Variants in ALDH1L1 observed in about 807,000 individuals in gnomAD.
ALDH1L1 encodes the protein aldehyde dehydrogenase 1 family member L1.
A neutral mutation model predicts 101.1 loss-of-function variants in ALDH1L1; 68 were observed. The ratio of observed to expected loss-of-function variants is 0.67; its 90% CI spans 0.55 to 0.82. The LOEUF is 0.82. ALDH1L1 is among the 40% of genes least tolerant of loss of function. The probability of loss-of-function intolerance (pLI) is 0.00; values close to 1 mark genes in which losing one functional copy is unlikely to be tolerated. For missense variants in ALDH1L1, 1,087 were observed against 1,172.7 expected (o/e 0.93, Z 1.07); for synonymous variants, 486 against 470.8 (o/e 1.03, Z -0.42).
intron 14 of ALDH1L1, among the ~76,000 whole-genome samples, chr3:126,127,325 A>G (rs6438976): frequency 0.65 from 99,266 of 151,964 alleles, 32,647 homozygotes; most frequent in African/African-American, 0.71. Flanking sequence ...TGCTGCCTCT[A>G]ATTCCTAGTG....
At chr3:126,165,697 T>C (rs1316008649) in intron 1 of ALDH1L1, among the ~76,000 whole-genome samples, 1 of 152,332 alleles carries the variant, frequency 6.6e-6, no homozygotes, top group East Asian at 1.9e-4. Flanking sequence ...TTAGATTTTC[T>C]CATTTGTGTG....
At chr3:126,117,460 G>A (rs1357032384) in intron 17 of ALDH1L1, among the ~76,000 whole-genome samples, 1 of 151,914 alleles carries the variant, frequency 6.6e-6, no homozygotes, top group Non-Finnish European at 1.5e-5. Flanking sequence ...TTTGAGACCA[G>A]TCTGGGCAAC....
intron 17 of ALDH1L1, 115 bp from the exon 18 acceptor site, chr3:126,114,771 G>T: frequency 1.0e-6 from 1 of 981,640 alleles, no homozygotes; most frequent in Non-Finnish European, 1.6e-6. Flanking sequence ...CAAGAAGCAA[G>T]ACCCGGCCAG....
intron 22 of ALDH1L1, chr3:126,105,297 T>G (rs1022804645): frequency 6.6e-6 from 2 of 302,190 alleles, no homozygotes; most frequent in Admixed American, 4.2e-5. Context: ...TCCTCCCTCC[T>G]GCTCCCCCTT....
At chr3:126,176,040 T>C (rs79742548) in intron 1 of ALDH1L1, among the ~76,000 whole-genome samples, 4,398 of 152,282 alleles carry the variant, frequency 0.029, 199 homozygotes, top group African/African-American at 0.098. Context: ...TACTTTCTTA[T>C]ATACTAGCAA....
rs75629481 is a variant in ALDH1L1 at position 126,157,505 on chromosome 3, G to T, written c.366C>A (p.Thr122=). 8.0e-5 allele frequency: 129 copies of T among 1,613,470 alleles called. No homozygotes were observed. In the African/African-American group the frequency reaches 1.5e-3, roughly 19 times the overall value. Residue 122 remains threonine, a synonymous_variant, in exon 4 of 23, where the codon ACC becomes ACA. Transcript: ENST00000393434. The stretch of plus-strand genomic sequence containing the variant: ...CCCCTTTCTTATCTCCGTGAATGAG[G>T]GTCCTAGGAAGCAGAAGAGTGAAAC... ...RHRGASAINW[T]LIHGDKKGGF... is the part of the protein sequence containing the mutation.
Position 126,135,597 on chromosome 3 carries a change from A to T in ALDH1L1, c.1410T>A (p.Asp470Glu). The T allele has an allele frequency of 1.9e-6, 3 of 1,598,832 alleles. No homozygotes were observed. Among genetic ancestry groups the T allele is most frequent in the Non-Finnish European group, 2.6e-6 (3 of 1,172,970 alleles). ...DVDKAVAAAKDAFENGRWGKI... is the reference protein window; with the variant it reads ...DVDKAVAAAKEAFENGRWGKI... ...TCCCCCACCGTCCATTCTCAAAGGC[A>T]TCCTTGGCTGCGGCCACTGCCTTGT... is the stretch of plus-strand genomic sequence containing the variant. The change falls in exon 12 of 23, where the codon GAT (aspartate) becomes GAA (glutamate). Residue 470 changes from aspartate (D) to glutamate (E), a missense_variant. Transcript: ENST00000393434.
rs547705910 is a variant in ALDH1L1 at position 126,161,146 on chromosome 3, G to A, written c.-23-144C>T. 37 of 877,884 alleles carry A rather than the reference G, an allele frequency of 4.2e-5. No homozygotes were observed. The African/African-American group carries it at 5.8e-4, about 14-fold the overall frequency. The allele number at this position is 877,884 out of a possible 1,614,324, so 54.4% of individuals were successfully genotyped here. A position where few individuals can be genotyped will look rare whatever the true frequency, so the allele number is the denominator to read the frequency against. ...CTCTGTGGGTGGCAGGCCACTGAGGGGAGACTGCCACTGTAAGAGAGACCA... is the reference window on the plus strand; with the variant it reads ...CTCTGTGGGTGGCAGGCCACTGAGGAGAGACTGCCACTGTAAGAGAGACCA... On this transcript the variant is annotated intron_variant, in intron 1 of 22. Coordinates refer to ENST00000393434, the MANE Select transcript of ALDH1L1 (RefSeq NM_012190.4).
intron 1 of ALDH1L1, among the ~76,000 whole-genome samples, chr3:126,173,291 A>C (rs1305520931): frequency 6.6e-6 from 1 of 152,208 alleles, no homozygotes; most frequent in Non-Finnish European, 1.5e-5. Flanking sequence ...GAATGATAGC[A>C]GTAATAATAA....
intron 1 of ALDH1L1, among the ~76,000 whole-genome samples, chr3:126,173,039 A>C (rs1415244780): frequency 1.3e-5 from 2 of 152,228 alleles, no homozygotes; most frequent in Non-Finnish European, 2.9e-5. Context: ...TGGAGGAGAA[A>C]GACTTCTCAA....
chr3:126,160,445 G>C (rs868537543), intron 2 of ALDH1L1: 2 of 175,060 alleles, frequency 1.1e-5, no homozygotes, highest in Non-Finnish European at 2.4e-5. Flanking sequence ...TGGGTAAGTA[G>C]AGCACTATGT....
chr3:126,114,186 A>C (rs1379377095), intron 18 of ALDH1L1, among the ~76,000 whole-genome samples: 1 of 152,236 alleles, frequency 6.6e-6, no homozygotes, highest in Non-Finnish European at 1.5e-5. Flanking sequence ...TACCATAGTG[A>C]AGCAGATCAA....
chr3:126,172,762 C>G (rs560805824), intron 1 of ALDH1L1, among the ~76,000 whole-genome samples: 1 of 151,696 alleles, frequency 6.6e-6, no homozygotes, highest in South Asian at 2.1e-4. Flanking sequence ...GATCACCCCC[C>G]ACCCCCCAAA....
At chr3:126,115,736 G>A (rs1008364972) in intron 17 of ALDH1L1, among the ~76,000 whole-genome samples, 1 of 151,316 alleles carries the variant, frequency 6.6e-6, no homozygotes, top group Non-Finnish European at 1.5e-5. Context: ...CACCACGCCC[G>A]GCTAATTTTT....
At position 126,138,134 on chromosome 3, in the gene ALDH1L1, G is replaced by A. The variant is rs751391406; in HGVS notation, c.1077-174C>T. 1.2e-4 allele frequency among the ~76,000 whole-genome samples: 19 copies of A among 152,228 alleles called. No individual in the cohort carries two copies. The East Asian group carries it at 2.5e-3, about 20-fold the overall frequency. On this transcript the variant is annotated intron_variant, in intron 9 of 22. Transcript: ENST00000393434. ...TCAGGCTGTGGACTCAGATGGTCCC[G>A]GGTCCAAATTCTCGCTCCATTACTT...
At chr3:126,171,652 AT>A (rs761109604) in intron 1 of ALDH1L1, among the ~76,000 whole-genome samples, 1 of 152,112 alleles carries the variant, frequency 6.6e-6, no homozygotes, top group African/African-American at 2.4e-5. Context: ...GAAAGCAGTC[AT>A]TTTTTTCTCA....
At chr3:126,177,579 C>T (rs958391414) in intron 1 of ALDH1L1, among the ~76,000 whole-genome samples, 3 of 152,062 alleles carry the variant, frequency 2.0e-5, no homozygotes, top group Admixed American at 6.5e-5. Context: ...ATGGGTAGAG[C>T]ACAGGAGAGT....
At chr3:126,142,839 C>T (rs986967908) in intron 9 of ALDH1L1, among the ~76,000 whole-genome samples, 1 of 152,134 alleles carries the variant, frequency 6.6e-6, no homozygotes, top group Non-Finnish European at 1.5e-5. Context: ...TCCTCCTTAC[C>T]CACGGGCAGG....
chr3:126,119,886 G>A (rs757213739), intron 16 of ALDH1L1, among the ~76,000 whole-genome samples: 19 of 152,216 alleles, frequency 1.2e-4, no homozygotes, highest in Non-Finnish European at 2.4e-4. Flanking sequence ...AGTGCGCAAT[G>A]TCATTTGTCA....
Sources: gnomAD v4.1 joint callset for allele counts (sites outside exome capture counted in the v4.1 genomes callset) on GRCh38, gnomAD v4.1.1 for gene constraint, MANE v1.5 for transcripts, NCBI Gene and HGNC (gene_info 2026-07-23, HGNC 2026-07-21) for gene names.